PTGIR: variants seen among roughly 807,000 people sequenced by gnomAD.
PTGIR encodes prostaglandin I2 receptor, also known as prostacyclin receptor.
PTGIR carries 16 observed loss-of-function variants against 17.6 expected under a neutral mutation model. The ratio of observed to expected loss-of-function variants is 0.91; its 90% CI spans 0.61 to 1.38. The LOEUF is 1.38. Among genes scored for constraint, PTGIR ranks in the 40% most tolerant of loss-of-function variants. PTGIR has a pLI of 0.00. For synonymous variants in PTGIR, 274 were observed against 255.4 expected, an observed-to-expected ratio of 1.07 and a Z score of -0.69; for missense variants, 532 against 548.6, an observed-to-expected ratio of 0.97 and a Z score of 0.30.
chr19:46,622,492 T>A, intron 2 of PTGIR: 2 of 761,910 alleles, frequency 2.6e-6, no homozygotes, highest in Non-Finnish European at 3.2e-6. Flanking sequence ...TGTAAGCCAC[T>A]AAGCACGGGG....
chr19:46,619,494 CAAAAAAGA>C (rs1972008788), downstream of PTGIR, among the ~76,000 whole-genome samples: 1 of 92,178 alleles, frequency 1.1e-5, no homozygotes, highest in South Asian at 3.4e-4. Context: ...TATTCTGTCT[CAAAAAAGA>C]AAGAAAGAAA....
Position 46,621,494 on chromosome 19 carries a change from T to C in PTGIR, c.947A>G (p.His316Arg), listed in dbSNP as rs371863016. Residue 316 changes from histidine (H) to arginine (R), a missense_variant, in exon 3 of 3, where the codon CAC becomes CGC. Physicochemically the swap from His to Arg is conservative, Grantham distance 29. Transcript: ENST00000291294. This position sits in a 1 kb window ranked among gnomAD's most constrained non-coding sequence, Gnocchi z 4.8. ...GGAAAGGGGTGTCTGCGAGTCTCCG[T>C]GGGCAGGCCCGAGGCACAGGCAGCA... Reference protein sequence around the residue: ...WVCCLCLGPAHGDSQTPLSQL... With the variant: ...WVCCLCLGPARGDSQTPLSQL... 8 of 1,613,994 alleles carry C rather than the reference T, an allele frequency of 5.0e-6. No individual in the cohort carries two copies. Among genetic ancestry groups the C allele is most frequent in the South Asian group, 1.1e-5 (1 of 91,082 alleles).
At chr19:46,613,041 T>C in the PTGIR span, among the ~76,000 whole-genome samples, 7 of 112,894 alleles carry the variant, frequency 6.2e-5, no homozygotes, top group African/African-American at 1.7e-4. Context: ...TTTTTTTTTT[T>C]TTTTTTTTTT....
chr19:46,619,583 GAA>G (rs778434704), downstream of PTGIR, among the ~76,000 whole-genome samples: 103 of 95,624 alleles, frequency 1.1e-3, no homozygotes, highest in Non-Finnish European at 1.6e-3. Flanking sequence ...GAGAGAGAGA[GAA>G]AGAAAGAAAA....
At position 46,620,526 on chromosome 19, in the gene PTGIR, A is replaced by G. The variant is rs1126510; in HGVS notation, c.*754T>C. The stretch of plus-strand genomic sequence containing the variant: ...GACCCTGGGGACAGGCACAGGACTT[A>G]GGTTTGTGTTCTGGGGCAGTCCCTG... On this transcript the variant is annotated 3_prime_UTR_variant, in exon 3 of 3. Transcript: ENST00000291294. 0.35 allele frequency: 346,096 copies of G among 985,036 alleles called. 61,628 individuals carry two copies. The highest frequency in any genetic ancestry group is 0.41 in the Middle Eastern group (788 of 1,916). The allele number at this position is 985,036 out of a possible 1,614,324, so 61.0% of individuals were successfully genotyped here. A position where few individuals can be genotyped will look rare whatever the true frequency, so the allele number is the denominator to read the frequency against.
In PTGIR at chr19:46,621,331, G is replaced by T. The variant is rs766346736; in HGVS notation, c.1110C>A (p.Ala370=). The T allele has an allele frequency of 2.0e-6, 3 of 1,524,490 alleles. No individual in the cohort carries two copies. The highest frequency in any genetic ancestry group is 2.6e-6 in the Non-Finnish European group (3 of 1,136,054). 94.4% of individuals were successfully genotyped at this position (1,524,490 alleles called of 1,614,324 possible). ...LPPTQQSSGS[A]VGTSSKAEAS... is the part of the protein sequence containing the mutation. ...CTTCTGCTTTGGACGACGTTCCCAC[G>T]GCGCTGCCGCTGGACTGCTGTGTGG... The change falls in exon 3 of 3, where the codon GCC becomes GCA. Residue 370 remains alanine (A), a synonymous_variant. Coordinates refer to ENST00000291294, the MANE Select transcript of PTGIR (RefSeq NM_000960.4). The surrounding 1 kb of genome is among the most constrained non-coding windows in gnomAD (Gnocchi z 4.8).
the PTGIR span, among the ~76,000 whole-genome samples, chr19:46,611,195 A>G: frequency 6.7e-6 from 1 of 148,916 alleles, no homozygotes; most frequent in African/African-American, 2.5e-5. Flanking sequence ...GTTCGGGGGG[A>G]CGACATGTAT....
the PTGIR span, among the ~76,000 whole-genome samples, chr19:46,612,634 A>G: frequency 6.2e-4 from 94 of 152,220 alleles, no homozygotes; most frequent in African/African-American, 2.1e-3. Flanking sequence ...GCTTTAGGGT[A>G]AATGGTAGTT....
chr19:46,624,209 C>T lies in PTGIR; in HGVS notation c.17G>A (p.Arg6Lys), dbSNP rs1164157609. The T allele has an allele frequency of 6.9e-7, 1 of 1,451,978 alleles. No individual in the cohort carries two copies. Among genetic ancestry groups the T allele is most frequent in the Admixed American group, 2.6e-5 (1 of 37,812 alleles). 89.9% of individuals were successfully genotyped at this position (1,451,978 alleles called of 1,614,324 possible). ...CGAGCCCCGCACGTAGGTGAGGTTCCTGCACGAATCCGCCATCCCAGGTCT... is the reference window on the plus strand; with the variant it reads ...CGAGCCCCGCACGTAGGTGAGGTTCTTGCACGAATCCGCCATCCCAGGTCT... Reference protein sequence around the residue: MADSCRNLTYVRGSVG... With the variant: MADSCKNLTYVRGSVG... The change falls in exon 2 of 3, where the codon AGG becomes AAG. Residue 6 changes from arginine (R) to lysine (K), a missense_variant. Coordinates refer to ENST00000291294, the MANE Select transcript of PTGIR (RefSeq NM_000960.4).
chr19:46,624,569 C>T (rs1047285119), intron 1 of PTGIR: 4 of 212,392 alleles, frequency 1.9e-5, no homozygotes, highest in African/African-American at 9.2e-5. Context: ...ATTCTCCTGC[C>T]CCAGCCTCTG....
At chr19:46,619,749 T>C (rs191905522), downstream of PTGIR, among the ~76,000 whole-genome samples, 16 of 152,336 alleles carry the variant, frequency 1.1e-4, no homozygotes, top group African/African-American at 3.4e-4. Context: ...TGGCTGCTGT[T>C]GTCCTCATGG....
Position 46,621,696 on chromosome 19 carries a change from A to G in PTGIR, c.769-24T>C. 1 of 1,586,804 alleles carries G rather than the reference A, an allele frequency of 6.3e-7. No homozygotes were observed. Among genetic ancestry groups the G allele is most frequent in the Non-Finnish European group, 8.6e-7 (1 of 1,163,932 alleles). On this transcript the variant is annotated intron_variant, in intron 2 of 2. Coordinates refer to ENST00000291294, the MANE Select transcript of PTGIR (RefSeq NM_000960.4). This position sits in a 1 kb window ranked among gnomAD's most constrained non-coding sequence, Gnocchi z 4.8. The stretch of plus-strand genomic sequence containing the variant: ...ATCTGAGGGCAGGGTGAGGGCGTCA[A>G]GGAGCACCCAGGAGTCCTCAGCCTC...
In PTGIR at chr19:46,621,242, C is replaced by T. The variant is rs775649266; in HGVS notation, c.*38G>A. The T allele has an allele frequency of 1.7e-5, 25 of 1,473,376 alleles. No homozygotes were observed. Among genetic ancestry groups the T allele is most frequent in the Admixed American group, 2.3e-5 (1 of 42,650 alleles). 91.3% of individuals were successfully genotyped at this position (1,473,376 alleles called of 1,614,324 possible). A position where few individuals can be genotyped will look rare whatever the true frequency, so the allele number is the denominator to read the frequency against. On this transcript the variant is annotated 3_prime_UTR_variant, in exon 3 of 3. Coordinates refer to ENST00000291294, the MANE Select transcript of PTGIR (RefSeq NM_000960.4). The surrounding 1 kb of genome is among the most constrained non-coding windows in gnomAD (Gnocchi z 4.8). The stretch of plus-strand genomic sequence containing the variant: ...CCCTGATTTTCTGGCTCCTGTCGCC[C>T]GAAGACAGGGCAGAGATCACAGGGT...
At chr19:46,615,700 G>A (rs1015171688), downstream of PTGIR, among the ~76,000 whole-genome samples, 4 of 151,638 alleles carry the variant, frequency 2.6e-5, no homozygotes, top group Non-Finnish European at 5.9e-5. Context: ...TAGAGACGGG[G>A]TTTCACTGTG....
At chr19:46,622,312 G>C (rs2052738912) in intron 2 of PTGIR, 1 of 985,278 alleles carries the variant, frequency 1.0e-6, no homozygotes. Context: ...GGGAGATCAG[G>C]CTCTACAATG....
downstream of PTGIR, among the ~76,000 whole-genome samples, chr19:46,618,014 ATTTT>A (rs56961349): frequency 8.9e-6 from 1 of 112,752 alleles, no homozygotes. Context: ...AATTTTTGTA[ATTTT>A]TTTTTTTTTT....
downstream of PTGIR, among the ~76,000 whole-genome samples, chr19:46,616,193 A>C (rs549058523): frequency 1.3e-5 from 2 of 152,258 alleles, no homozygotes; most frequent in Admixed American, 1.3e-4. Flanking sequence ...CTATATTCCC[A>C]GTGGGCACGA....
At chr19:46,619,543 AAGAAAGAGAG>A (rs1186179984), downstream of PTGIR, among the ~76,000 whole-genome samples, 149 of 68,678 alleles carry the variant, frequency 2.2e-3, no homozygotes, top group African/African-American at 4.4e-3. Flanking sequence ...GAAAGAAAGA[AAGAAAGAGAG>A]AGAGAGAGAG....
chr19:46,619,586 A>AG (rs1256095618), downstream of PTGIR, among the ~76,000 whole-genome samples: 4,090 of 125,638 alleles, frequency 0.033, 145 homozygotes, highest in Middle Eastern at 0.052. Flanking sequence ...AGAGAGAGAA[A>AG]GAAAGAAAAG....
Sources: gnomAD v4.1 joint callset for allele counts (sites outside exome capture counted in the v4.1 genomes callset) on GRCh38, gnomAD v4.1.1 for gene constraint, Gnocchi (gnomAD v3.1) non-coding constraint, MANE v1.5 for transcripts, NCBI Gene and HGNC (gene_info 2026-07-23, HGNC 2026-07-21) for gene names.